OR2V1: variants seen among roughly 807,000 people sequenced by gnomAD.
OR2V1 encodes olfactory receptor family 2 subfamily V member 1, also known as olfactory receptor 2V1.
Under a neutral mutation model 15.0 loss-of-function variants are expected in OR2V1, and 18 were observed. The observed-to-expected ratio is 1.20, with a 90% CI of 0.83 to 1.78. OR2V1 has a LOEUF of 1.78. Ranked by LOEUF, OR2V1 falls within the 40% of genes most tolerant of loss-of-function variation. OR2V1 has a pLI of 0.00. For synonymous variants in OR2V1, 144 were observed against 146.1 expected (o/e 0.99, Z 0.10); for missense variants, 359 against 392.9 (o/e 0.91, Z 0.73).
At chr5:181,126,879 G>T (rs1184689817) in intron 3 of OR2V1, among the ~76,000 whole-genome samples, 2 of 152,152 alleles carry the variant, frequency 1.3e-5, no homozygotes, top group African/African-American at 4.8e-5. Flanking sequence ...CCCCTCCCTT[G>T]CTCGCAGAGC....
Position 181,124,008 on chromosome 5 carries a change from A to G in OR2V1, c.*349T>C, listed in dbSNP as rs143498192. 684 of 186,140 alleles carry G rather than the reference A, an allele frequency of 3.7e-3. 7 individuals are homozygous for G. Among genetic ancestry groups the G allele is most frequent in the African/African-American group, 0.015 (659 of 43,048 alleles). 11.5% of individuals were successfully genotyped at this position (186,140 alleles called of 1,614,324 possible). A position where few individuals can be genotyped will look rare whatever the true frequency, so the allele number is the denominator to read the frequency against. ...AAGAAATATAGCACTAAAGGGCAGA[A>G]AAACACAAAAAATAAAATAAAGAAA... On this transcript the variant is annotated 3_prime_UTR_variant, in exon 4 of 4. Coordinates refer to ENST00000641551, the MANE Select transcript of OR2V1 (RefSeq NM_001258283.2).
chr5:181,130,824 C>T (rs554641453), intron 1 of OR2V1, among the ~76,000 whole-genome samples: 1 of 152,218 alleles, frequency 6.6e-6, no homozygotes, highest in South Asian at 2.1e-4. Flanking sequence ...CTACATTGCC[C>T]CCCCACACAC....
intron 3 of OR2V1, among the ~76,000 whole-genome samples, chr5:181,127,128 G>A (rs771870897): frequency 6.6e-5 from 10 of 152,232 alleles, no homozygotes; most frequent in Admixed American, 2.0e-4. Context: ...ACAGGCTCCC[G>A]TATTTGGACC....
Position 181,124,734 on chromosome 5 carries a change from C to G in OR2V1, c.571G>C (p.Ala191Pro). 6.2e-7 allele frequency: 1 copy of G among 1,609,892 alleles called. No homozygotes were observed. The highest frequency in any genetic ancestry group is 8.5e-7 in the Non-Finnish European group (1 of 1,179,644). ...EVQALLKLAC[A>P]DTSLFDTLLF... ...AGGGTGTCAAAAAGGGAAGTGTCTG[C>G]ACAGGCCAGCTTCAATAAAGCTTGT... is the stretch of plus-strand genomic sequence containing the variant. The change falls in exon 4 of 4, where the codon GCA becomes CCA. Residue 191 changes from alanine (A) to proline (P), a missense_variant. Physicochemically the swap from Ala to Pro is conservative, Grantham distance 27 (BLOSUM62 -1). Coordinates refer to ENST00000641551, the MANE Select transcript of OR2V1 (RefSeq NM_001258283.2).
In OR2V1 at chr5:181,124,672, G is replaced by A; in HGVS notation, c.633C>T (p.Pro211=). ...FACCVFMLLL[P]FSIIMASYAC... ...CATAGGAGGCCATGATGATGGAGAA[G>A]GGAAGGAGAAGCATGAAGACACAGC... The change falls in exon 4 of 4, where the codon CCC becomes CCT. Residue 211 remains proline, a synonymous_variant. Transcript: ENST00000641551. The A allele has an allele frequency of 1.2e-6, 2 of 1,613,444 alleles. No individual in the cohort carries two copies. Among genetic ancestry groups the A allele is most frequent in the Non-Finnish European group, 1.7e-6 (2 of 1,180,018 alleles).
intron 3 of OR2V1, among the ~76,000 whole-genome samples, chr5:181,128,001 C>G (rs1464086781): frequency 1.3e-5 from 2 of 152,034 alleles, no homozygotes; most frequent in Non-Finnish European, 2.9e-5. Context: ...CACTCAGACT[C>G]TTACACCCAC....
chr5:181,124,825 C>T lies in OR2V1; in HGVS notation c.480G>A (p.Gln160=), dbSNP rs1009344882. The part of the protein sequence containing the change: ...WAFGIIDGVI[Q]MVAAMGLPYC... Reference sequence around the variant, plus strand: ...AAGGTAAGCCCATGGCTGCCACCATCTGAATCACTCCATCTATTATCCCAA... The same window carrying T: ...AAGGTAAGCCCATGGCTGCCACCATTTGAATCACTCCATCTATTATCCCAA... Residue 160 remains glutamine, a synonymous_variant, in exon 4 of 4, where the codon CAG becomes CAA. Coordinates refer to ENST00000641551, the MANE Select transcript of OR2V1 (RefSeq NM_001258283.2). The T allele has an allele frequency of 6.3e-7, 1 of 1,595,646 alleles. No homozygotes were observed. Among genetic ancestry groups the T allele is most frequent in the Admixed American group, 1.8e-5 (1 of 56,434 alleles).
chr5:181,129,087 C>T (rs2113330189), intron 3 of OR2V1, among the ~76,000 whole-genome samples: 1 of 152,086 alleles, frequency 6.6e-6, no homozygotes, highest in East Asian at 1.9e-4. Context: ...GAAAATTAGC[C>T]AGGCTATTGT....
At chr5:181,126,168 T>A (rs897393282) in intron 3 of OR2V1, among the ~76,000 whole-genome samples, 5 of 152,062 alleles carry the variant, frequency 3.3e-5, no homozygotes, top group African/African-American at 1.2e-4. Flanking sequence ...TCTAATTCGC[T>A]TTTCCCACCT....
Position 181,124,444 on chromosome 5 carries a change from G to T in OR2V1, c.861C>A (p.Asn287Lys). 6.2e-7 allele frequency: 1 copy of T among 1,613,894 alleles called. No individual in the cohort carries two copies. Reference protein sequence around the residue: ...IFYTVLTPMLNPLIYSLRNGE... With the variant: ...IFYTVLTPMLKPLIYSLRNGE... ...CATTCCTCAAGCTGTAAATGAGGGG[G>T]TTCAGCATGGGAGTAAGGACTGTGT... Residue 287 changes from asparagine (N) to lysine (K), a missense_variant, in exon 4 of 4, where the codon AAC becomes AAA. Physicochemically the swap from Asn to Lys is moderately conservative, Grantham distance 94 (BLOSUM62 0). Transcript: ENST00000641551.
intron 1 of OR2V1, among the ~76,000 whole-genome samples, 152 bp downstream of exon 1, chr5:181,130,897 TG>T (rs1409368648): frequency 6.6e-6 from 1 of 152,102 alleles, no homozygotes; most frequent in Non-Finnish European, 1.5e-5. Context: ...AGCTGTCCCT[TG>T]GGCCCTCGCT....
intron 3 of OR2V1, among the ~76,000 whole-genome samples, chr5:181,128,417 TGG>T (rs1762913912): frequency 6.6e-6 from 1 of 152,194 alleles, no homozygotes; most frequent in Admixed American, 6.5e-5. Context: ...CACGTAGTCC[TGG>T]GGTGGACCCA....
intron 3 of OR2V1, among the ~76,000 whole-genome samples, chr5:181,128,124 G>A (rs1762904119): frequency 6.6e-6 from 1 of 152,012 alleles, no homozygotes; most frequent in South Asian, 2.1e-4. Context: ...TCTCAGCTCA[G>A]TGAGTGGCAG....
chr5:181,124,403 GC>G lies in OR2V1; in HGVS notation c.901del (p.Ala301HisfsTer2). 1 of 1,609,478 alleles carries G rather than the reference GC, an allele frequency of 6.2e-7. No individual in the cohort carries two copies. The highest frequency in any genetic ancestry group is 1.7e-5 in the Admixed American group (1 of 59,632). ...YSLRNGEVMG[A>X]LRKGLDRCRI... ...GCAGCGGTCCAGCCCCTTCCTCAGT[GC>G]CCCCATCACCTCCCCATTCCTCAAG... On this transcript the variant is annotated frameshift_variant, in exon 4 of 4. Coordinates refer to ENST00000641551, the MANE Select transcript of OR2V1 (RefSeq NM_001258283.2). LOFTEE classifies it high-confidence loss of function.
Position 181,130,162 on chromosome 5 carries a change from C to A in OR2V1, c.-78+11G>T, listed in dbSNP as rs889665264. ...AGAGAGAGGGGACGACAGGACAAGACCCTCACTCACCTGTGGGTGGGTCCC... is the reference window on the plus strand; with the variant it reads ...AGAGAGAGGGGACGACAGGACAAGAACCTCACTCACCTGTGGGTGGGTCCC... On this transcript the variant is annotated intron_variant, in intron 2 of 3. Coordinates refer to ENST00000641551, the MANE Select transcript of OR2V1 (RefSeq NM_001258283.2). 1.3e-5 allele frequency: 5 copies of A among 398,690 alleles called. No individual in the cohort carries two copies. Among genetic ancestry groups the A allele is most frequent in the African/African-American group, 4.1e-5 (2 of 48,652 alleles). The allele number at this position is 398,690 out of a possible 1,614,324, so 24.7% of individuals were successfully genotyped here. A position where few individuals can be genotyped will look rare whatever the true frequency, so the allele number is the denominator to read the frequency against.
At chr5:181,127,745 A>G (rs1043150498) in intron 3 of OR2V1, among the ~76,000 whole-genome samples, 1 of 151,884 alleles carries the variant, frequency 6.6e-6, no homozygotes, top group African/African-American at 2.4e-5. Flanking sequence ...ATCTATTCCC[A>G]CAGCGACCAA....
chr5:181,129,736 G>A (rs2113330839), intron 2 of OR2V1, among the ~76,000 whole-genome samples, 161 bp from the exon 3 acceptor site: 1 of 152,296 alleles, frequency 6.6e-6, no homozygotes, highest in South Asian at 2.1e-4. Context: ...AGAAGCCACT[G>A]CATCTCTGCA....
intron 3 of OR2V1, among the ~76,000 whole-genome samples, chr5:181,126,824 G>A (rs1254784645): frequency 4.6e-5 from 7 of 152,010 alleles, no homozygotes; most frequent in South Asian, 2.1e-4. Context: ...ATGGACACAC[G>A]GAAATACACA....
intron 3 of OR2V1, among the ~76,000 whole-genome samples, chr5:181,129,138 G>A (rs980598939): frequency 6.6e-6 from 1 of 152,164 alleles, no homozygotes; most frequent in Non-Finnish European, 1.5e-5. Context: ...TGGCTGAGGT[G>A]GAAGGATCGT....
Sources: allele counts gnomAD v4.1 joint callset (sites outside exome capture counted in the v4.1 genomes callset), GRCh38; gene constraint gnomAD v4.1.1; transcripts MANE v1.5; gene names NCBI Gene and HGNC (gene_info 2026-07-23, HGNC 2026-07-21).